NUP160: variants seen among roughly 807,000 people sequenced by gnomAD.
NUP160 encodes nuclear pore complex protein Nup160.
In NUP160, 94 loss-of-function variants were observed where a neutral mutation model predicts 196.9. That is an observed-to-expected ratio of 0.48 (90% CI 0.40 to 0.57). NUP160 has a LOEUF of 0.57. NUP160 is among the 20% of genes least tolerant of loss of function. NUP160 has a pLI of 0.00. For missense variants in NUP160, 1,638 were observed against 1,748.3 expected (o/e 0.94, Z 1.13); for synonymous variants, 605 against 619.7 (o/e 0.98, Z 0.35).
chr11:47,847,054 C>T (rs1037492367), intron 2 of NUP160, among the ~76,000 whole-genome samples: 2 of 152,268 alleles, frequency 1.3e-5, no homozygotes, highest in South Asian at 4.1e-4. Context: ...GCCTAAGGGT[C>T]CCTCATGGTC....
chr11:47,805,447 CTTTTTTT>C (rs34487443), intron 20 of NUP160, among the ~76,000 whole-genome samples: 2 of 133,298 alleles, frequency 1.5e-5, no homozygotes, highest in Non-Finnish European at 3.1e-5. Flanking sequence ...TGAATAATGT[CTTTTTTT>C]TTTTTTTTGA....
chr11:47,835,670 T>C (rs1312834022), exon 7 of NUP160: 2 of 1,592,952 alleles, frequency 1.3e-6, no homozygotes, highest in Non-Finnish European at 1.7e-6. Flanking sequence ...TTTTGGTGCA[T>C]GCATGTATAT....
intron 20 of NUP160, among the ~76,000 whole-genome samples, chr11:47,805,332 T>C (rs959173245): frequency 6.6e-6 from 1 of 152,076 alleles, no homozygotes; most frequent in Non-Finnish European, 1.5e-5. Context: ...GGTTTCACCA[T>C]GTTGGTCAGG....
rs148353672 is a variant in NUP160 at position 47,811,277 on chromosome 11, G to A, written c.2241+787C>T. Among the ~76,000 whole-genome samples the A allele has an allele frequency of 1.2e-4, 19 of 152,186 alleles. 3 individuals carry two copies. The highest frequency in any genetic ancestry group is 4.6e-4 in the African/African-American group (19 of 41,556). Reference sequence around the variant, plus strand: ...TAATCCCAGCACTTTGGGAGGCCGAGGTAGGTGGATCACCTGATGTCAGGA... The same window carrying A: ...TAATCCCAGCACTTTGGGAGGCCGAAGTAGGTGGATCACCTGATGTCAGGA... On this transcript the variant is annotated intron_variant, in intron 17 of 35. Coordinates refer to ENST00000378460, the Ensembl canonical transcript of NUP160.
chr11:47,798,784 C>A (rs567588578), intron 23 of NUP160, among the ~76,000 whole-genome samples: 1 of 151,924 alleles, frequency 6.6e-6, no homozygotes, highest in Non-Finnish European at 1.5e-5. Flanking sequence ...GAACTTTAAT[C>A]CTGCCACTGC....
At chr11:47,788,972 G>A (rs995703011) in intron 29 of NUP160, among the ~76,000 whole-genome samples, 7 of 151,772 alleles carry the variant, frequency 4.6e-5, no homozygotes, top group African/African-American at 1.7e-4. Flanking sequence ...CGCCTCTTGG[G>A]TTCATGTGAT....
chr11:47,807,198 T>C, intron 18 of NUP160, 58 bp from the exon 19 acceptor site: 2 of 1,049,414 alleles, frequency 1.9e-6, no homozygotes, highest in Non-Finnish European at 2.9e-6. Context: ...ACATTACTTC[T>C]ACAAGCTCTT....
intron 27 of NUP160, among the ~76,000 whole-genome samples, chr11:47,797,155 A>AAATGT (rs573283120): frequency 0.58 from 88,028 of 152,010 alleles, 25,764 homozygotes; most frequent in Admixed American, 0.64. Context: ...GTGGAAAGGG[A>AAATGT]GAAGGCTAAT....
Position 47,840,029 on chromosome 11 carries a change from T to C in NUP160, c.562A>G (p.Thr188Ala), listed in dbSNP as rs200557252. ...GTGAAATCAACTTTTCCAATGTCAGTGAATATTGACTGCATCTGACTGTCA... is the reference window on the plus strand; with the variant it reads ...GTGAAATCAACTTTTCCAATGTCAGCGAATATTGACTGCATCTGACTGTCA... Residue 188 changes from threonine to alanine, a missense_variant, in exon 4 of 36, where the codon ACT (threonine) becomes GCT (alanine). Coordinates refer to ENST00000378460, the Ensembl canonical transcript of NUP160. The C allele has an allele frequency of 5.5e-5, 89 of 1,613,954 alleles. No homozygotes were observed. The East Asian group carries it at 1.2e-3, about 22-fold the overall frequency.
intron 1 of NUP160, 96 bp downstream of exon 1, chr11:47,848,123 C>T (rs953324135): frequency 6.9e-7 from 1 of 1,439,948 alleles, no homozygotes; most frequent in South Asian, 1.1e-5. Context: ...GGCATGTGGA[C>T]TCAGGAGGAT....
At chr11:47,821,202 A>G (rs1851849484) in intron 9 of NUP160, among the ~76,000 whole-genome samples, 1 of 152,088 alleles carries the variant, frequency 6.6e-6, no homozygotes, top group Admixed American at 6.6e-5. Context: ...CCAACCCCCA[A>G]AATTCTCATT....
At chr11:47,824,769 A>C (rs1264007218) in intron 7 of NUP160, among the ~76,000 whole-genome samples, 2 of 151,692 alleles carry the variant, frequency 1.3e-5, no homozygotes, top group African/African-American at 4.8e-5. Flanking sequence ...CCTCCCTAAT[A>C]GCTAGTAATG....
intron 27 of NUP160, among the ~76,000 whole-genome samples, chr11:47,793,911 T>C (rs1282612741): frequency 6.6e-6 from 1 of 151,894 alleles, no homozygotes; most frequent in Non-Finnish European, 1.5e-5. Context: ...TGGCTAATTT[T>C]TAAAGACATT....
At chr11:47,839,061 C>T (rs942882610) in intron 4 of NUP160, among the ~76,000 whole-genome samples, 18 of 151,586 alleles carry the variant, frequency 1.2e-4, no homozygotes, top group Non-Finnish European at 1.9e-4. Flanking sequence ...ACATAAAGGA[C>T]GGCTTTACAC....
intron 35 of NUP160, among the ~76,000 whole-genome samples, chr11:47,779,990 A>G (rs1421299959): frequency 1.3e-5 from 2 of 152,180 alleles, no homozygotes; most frequent in South Asian, 2.1e-4. Context: ...TCAGCCTTCC[A>G]AAGTGCTGGG....
upstream of NUP160, chr11:47,848,505 G>C: frequency 1.8e-6 from 2 of 1,098,494 alleles, no homozygotes; most frequent in Non-Finnish European, 2.5e-6. Flanking sequence ...ATCCAGAAGA[G>C]AAGGGGGCAG....
chr11:47,823,406 T>G lies in NUP160; in HGVS notation c.1102-1242A>C, dbSNP rs1476344447. ...ACCACTTTACTTTGTCTCTATAAAT[T>G]TGACTACTCTAGGTACTCCATGTAA... is the stretch of plus-strand genomic sequence containing the variant. On this transcript the variant is annotated intron_variant, in intron 7 of 35. Transcript: ENST00000378460. Among the ~76,000 whole-genome samples the G allele has an allele frequency of 8.5e-5, 13 of 152,214 alleles. No individual in the cohort carries two copies. The East Asian group carries it at 2.5e-3, about 29-fold the overall frequency.
chr11:47,804,394 G>A (rs1227173587), intron 21 of NUP160, 155 bp downstream of exon 21: 2 of 575,100 alleles, frequency 3.5e-6, no homozygotes, highest in East Asian at 3.4e-5. Context: ...GGATGGTATA[G>A]AAATAGAGAA....
intron 4 of NUP160, chr11:47,839,622 T>C (rs1852254603): frequency 1.8e-6 from 1 of 561,398 alleles, no homozygotes; most frequent in East Asian, 3.0e-5. Context: ...GAATAGGCTG[T>C]CTTATACTTG....
Sources: allele counts gnomAD v4.1 joint callset (sites outside exome capture counted in the v4.1 genomes callset), GRCh38; gene constraint gnomAD v4.1.1; transcripts MANE v1.5; gene names NCBI Gene and HGNC (gene_info 2026-07-23, HGNC 2026-07-21).